Variants in ARHGAP23 observed in about 807,000 individuals in gnomAD.
The protein encoded by ARHGAP23 is rho GTPase-activating protein 23.
ARHGAP23 carries 34 observed loss-of-function variants against 136.3 expected under a neutral mutation model. The observed-to-expected ratio is 0.25, with a 90% CI of 0.19 to 0.33. The LOEUF is 0.33. ARHGAP23 is among the 10% of genes least tolerant of loss of function. The pLI, the probability that ARHGAP23 is intolerant of heterozygous loss-of-function variation, is 1.00. For synonymous variants in ARHGAP23, 832 were observed against 920.5 expected (o/e 0.90, Z 1.74); for missense variants, 1,808 against 2,139.0 (o/e 0.85, Z 3.05).
chr17:38,481,950 G>A, intron 14 of ARHGAP23, 72 bp from the exon 15 acceptor site: 1 of 1,418,370 alleles, frequency 7.1e-7, no homozygotes, highest in Non-Finnish European at 9.3e-7. Flanking sequence ...CCAAATGTGT[G>A]AATGTGGCAG....
intron 23 of ARHGAP23, among the ~76,000 whole-genome samples, chr17:38,509,741 G>C (rs927141056): frequency 6.6e-6 from 1 of 152,232 alleles, no homozygotes; most frequent in Admixed American, 6.5e-5. Flanking sequence ...TGAGAGCCTA[G>C]ATTTGGGCCA....
intron 19 of ARHGAP23, among the ~76,000 whole-genome samples, chr17:38,491,078 G>A (rs1488588343): frequency 1.6e-4 from 12 of 77,292 alleles, no homozygotes; most frequent in Admixed American, 1.8e-4. Context: ...GGAAGTGATC[G>A]GATTATTTCC....
rs1359880616 is a variant in ARHGAP23, at chr17:38,467,328, A to G, written c.1645A>G (p.Ile549Val). Residue 549 changes from isoleucine (I) to valine (V), a missense_variant, in exon 7 of 24, where the codon ATT becomes GTT. Around this residue, in one of 7 missense-constraint regions of ARHGAP23, gnomAD observed 859 missense variants for 936.4 expected, o/e 0.92. Coordinates refer to ENST00000622683, the MANE Select transcript of ARHGAP23 (RefSeq NM_001199417.2). ...AGACTCTCTGGCTTCCATCCCCTTT[A>G]TTGGTGAGTGATGGTACATGTGGCT... is the stretch of plus-strand genomic sequence containing the variant. ...TEDSLASIPF[I>V]DEPTSPSIDL... 6.8e-7 allele frequency: 1 copy of G among 1,473,782 alleles called. No individual in the cohort carries two copies. The allele number at this position is 1,473,782 out of a possible 1,614,324, so 91.3% of individuals were successfully genotyped here. A position where few individuals can be genotyped will look rare whatever the true frequency, so the allele number is the denominator to read the frequency against.
At chr17:38,440,931 C>T (rs1318056318) in intron 1 of ARHGAP23, among the ~76,000 whole-genome samples, 1 of 152,212 alleles carries the variant, frequency 6.6e-6, no homozygotes, top group Non-Finnish European at 1.5e-5. Context: ...AGAGCCTTAC[C>T]ACGACCTTTA....
intron 1 of ARHGAP23, among the ~76,000 whole-genome samples, chr17:38,436,733 C>T (rs999074708): frequency 4.6e-5 from 7 of 152,228 alleles, no homozygotes; most frequent in Non-Finnish European, 7.3e-5. Context: ...CAGTCCAGAA[C>T]ACCCCTCAGG....
upstream of ARHGAP23, among the ~76,000 whole-genome samples, chr17:38,427,039 G>T (rs2038580231): frequency 6.6e-6 from 1 of 152,196 alleles, no homozygotes; most frequent in African/African-American, 2.4e-5. Context: ...TACATAATCT[G>T]GGAAAAGGAA....
chr17:38,469,309 C>T lies in ARHGAP23; in HGVS notation c.1804+10C>T. On this transcript the variant is annotated intron_variant, in intron 8 of 23. Transcript: ENST00000622683. Reference sequence around the variant, plus strand: ...TACTCGCAGGACTGCAGTGAGCACTCCCCACACCCCCAGCCCCACCCTCTC... The same window carrying T: ...TACTCGCAGGACTGCAGTGAGCACTTCCCACACCCCCAGCCCCACCCTCTC... The T allele has an allele frequency of 6.5e-7, 1 of 1,545,588 alleles. No individual in the cohort carries two copies. Among genetic ancestry groups the T allele is most frequent in the South Asian group, 1.2e-5 (1 of 82,872 alleles).
rs1011636128 is a variant in ARHGAP23, at chr17:38,436,957, C to T, written c.63+8409C>T. The stretch of plus-strand genomic sequence containing the variant: ...ACCAGTTGGTGATATGATTAATCTC[C>T]TTTCTCTCATCTGTTTCCAAATCTA... On this transcript the variant is annotated intron_variant, in intron 1 of 23. Transcript: ENST00000622683. Among the ~76,000 whole-genome samples, 10 of 152,212 alleles carry T rather than the reference C, an allele frequency of 6.6e-5. No individual in the cohort carries two copies. In the East Asian group the frequency reaches 1.7e-3, roughly 26 times the overall value.
At chr17:38,482,851 C>T (rs987664395) in intron 16 of ARHGAP23, among the ~76,000 whole-genome samples, 173 bp downstream of exon 16, 5 of 152,134 alleles carry the variant, frequency 3.3e-5, no homozygotes, top group Non-Finnish European at 2.9e-5. Context: ...CTGGCCAGCC[C>T]GGGGATGGGC....
chr17:38,506,787 T>C (rs2040643403), intron 23 of ARHGAP23, among the ~76,000 whole-genome samples: 1 of 152,048 alleles, frequency 6.6e-6, no homozygotes, highest in Non-Finnish European at 1.5e-5. Context: ...CTTCCACATG[T>C]GAGTTTGGGA....
chr17:38,451,927 A>C, intron 1 of ARHGAP23: 1 of 151,904 alleles, frequency 6.6e-6, no homozygotes, highest in African/African-American at 2.4e-5. Context: ...AGCTCTCCTG[A>C]CTCAGCTCGT....
At chr17:38,504,294 G>A (rs981264982) in intron 23 of ARHGAP23, among the ~76,000 whole-genome samples, 1 of 152,222 alleles carries the variant, frequency 6.6e-6, no homozygotes, top group African/African-American at 2.4e-5. Flanking sequence ...ACTGTTGCAG[G>A]GACAGGGACG....
chr17:38,454,046 T>C (rs2144590209), intron 1 of ARHGAP23: 1 of 147,836 alleles, frequency 6.8e-6, no homozygotes, highest in South Asian at 2.1e-4. Context: ...GAGCGCGCCG[T>C]CGGCGTGGAC....
At chr17:38,473,495 C>T (rs574501586) in intron 11 of ARHGAP23, among the ~76,000 whole-genome samples, 16 of 152,180 alleles carry the variant, frequency 1.1e-4, no homozygotes, top group South Asian at 1.0e-3. Context: ...GCGGGACTGG[C>T]GCTCCTCTGT....
intron 1 of ARHGAP23, among the ~76,000 whole-genome samples, chr17:38,457,055 G>A (rs796145481): frequency 5.3e-5 from 8 of 152,250 alleles, no homozygotes; most frequent in African/African-American, 1.9e-4. Context: ...GATTACAGGC[G>A]CCAGCCACCA....
At chr17:38,470,643 TCTC>T (rs551333935) in intron 10 of ARHGAP23, among the ~76,000 whole-genome samples, 6 of 151,920 alleles carry the variant, frequency 3.9e-5, no homozygotes, top group Non-Finnish European at 7.4e-5. Flanking sequence ...TTCAAGCTAT[TCTC>T]CTGCCTCAGC....
In ARHGAP23 at chr17:38,458,004, C is replaced by T; in HGVS notation, c.64-98C>T. On this transcript the variant is annotated intron_variant, in intron 1 of 23. Transcript: ENST00000622683. ...GCAACCCTAGGGCGAAAGACCCCTT[C>T]TGGTGCCCCTCCGGTCCTGTGGGCT... The T allele has an allele frequency of 2.1e-6, 3 of 1,430,562 alleles. No individual in the cohort carries two copies. The South Asian group carries it at 3.9e-5, about 19-fold the overall frequency. 88.6% of individuals were successfully genotyped at this position (1,430,562 alleles called of 1,614,324 possible).
chr17:38,458,025 G>T (rs887108309), intron 1 of ARHGAP23, 77 bp from the exon 2 acceptor site: 3 of 1,501,454 alleles, frequency 2.0e-6, no homozygotes, highest in African/African-American at 2.8e-5. Flanking sequence ...CCGGTCCTGT[G>T]GGCTGCAGGA....
At chr17:38,458,081 T>C (rs1272384688) in intron 1 of ARHGAP23, 21 bp from the exon 2 acceptor site, 1 of 1,535,764 alleles carries the variant, frequency 6.5e-7, no homozygotes, top group South Asian at 1.2e-5. Flanking sequence ...GCGCTCAGCC[T>C]GGCCTCTCTG....
Sources: allele counts gnomAD v4.1 joint callset (sites outside exome capture counted in the v4.1 genomes callset), GRCh38; gene constraint gnomAD v4.1.1; regional missense constraint gnomAD v4.1.1; transcripts MANE v1.5; gene names NCBI Gene and HGNC (gene_info 2026-07-23, HGNC 2026-07-21).